The following SLITRK2 variants were observed in gnomAD, a reference collection of about 807,000 sequenced individuals.
SLITRK2 encodes SLIT and NTRK-like protein 2.
SLITRK2 carries 13 observed loss-of-function variants against 35.4 expected under a neutral mutation model. That is an observed-to-expected ratio of 0.37 (90% confidence interval 0.24 to 0.58). SLITRK2 has a LOEUF of 0.58. SLITRK2 is among the 20% of genes least tolerant of loss of function. The pLI, the probability that SLITRK2 is intolerant of heterozygous loss-of-function variation, is 0.75. For missense variants in SLITRK2, 471 were observed against 634.3 expected, an observed-to-expected ratio of 0.74 and a Z score of 2.76; for synonymous variants, 294 against 264.7, an observed-to-expected ratio of 1.11 and a Z score of -1.07.
In SLITRK2 at chrX:145,824,786, C is replaced by G. The variant is rs2124212675; in HGVS notation, c.2361C>G (p.Ser787=). The change falls in exon 5 of 5, where the codon TCC becomes TCG. Residue 787 remains serine, a synonymous_variant. Transcript: ENST00000335565. ...CTLPKRQFAP[S]YESRRQNQDR... is the part of the protein sequence containing the mutation. ...TACCTAAAAGGCAGTTTGCCCCTTC[C>G]TATGAATCTCGACGCCAAAACCAAG... 2 of 1,211,528 alleles carry G rather than the reference C, an allele frequency of 1.7e-6. No homozygotes were observed. Among genetic ancestry groups the G allele is most frequent in the Non-Finnish European group, 1.1e-6 (1 of 895,485 alleles).
rs2124116444 is a variant in SLITRK2 at position 145,818,042 on chromosome X, TC to T, written c.-793+17del. On this transcript the variant is annotated intron_variant, in intron 1 of 4. Coordinates refer to ENST00000335565, the MANE Select transcript of SLITRK2 (RefSeq NM_032539.5). ...CGCTCGCTCGGTAAGTTCTGAGCAC[TC>T]AGGGACGCGGTGGCGACGCGGCCAG... The T allele has an allele frequency of 9.0e-6, 1 of 111,113 alleles. No individual in the cohort carries two copies. The highest frequency in any genetic ancestry group is 9.4e-5 in the Admixed American group (1 of 10,643). The allele number at this position is 111,113 out of a possible 1,213,427, so 9.2% of individuals were successfully genotyped here.
At position 145,824,079 on chromosome X, in the gene SLITRK2, A is replaced by C. The variant is rs1556944636; in HGVS notation, c.1654A>C (p.Ile552Leu). Reference protein sequence around the residue: ...DWTEHANSPVIINEVTCESPA... With the variant: ...DWTEHANSPVLINEVTCESPA... ...GACAGAACATGCCAATTCCCCTGTCATCATTAATGAGGTGACTTGCGAATC... is the reference window on the plus strand; with the variant it reads ...GACAGAACATGCCAATTCCCCTGTCCTCATTAATGAGGTGACTTGCGAATC... The change falls in exon 5 of 5, where the codon ATC (isoleucine) becomes CTC (leucine). Residue 552 changes from isoleucine (I) to leucine (L), a missense_variant. Physicochemically the swap from Ile to Leu is conservative, Grantham distance 5 (BLOSUM62 2). This residue lies in a region of SLITRK2 where 92 missense variants were observed against 184.2 expected (regional missense o/e 0.50). Coordinates refer to ENST00000335565, the MANE Select transcript of SLITRK2 (RefSeq NM_032539.5). The C allele has an allele frequency of 8.3e-7, 1 of 1,209,173 alleles. No homozygotes were observed. Among genetic ancestry groups the C allele is most frequent in the Non-Finnish European group, 1.1e-6 (1 of 894,967 alleles).
At position 145,823,653 on chromosome X, in the gene SLITRK2, A is replaced by G. The variant is rs1556944443; in HGVS notation, c.1228A>G (p.Arg410Gly). 1 of 1,211,536 alleles carries G rather than the reference A, an allele frequency of 8.3e-7. No individual in the cohort carries two copies. The highest frequency in any genetic ancestry group is 1.1e-6 in the Non-Finnish European group (1 of 895,337). ...GGACTTACTGCACTTAGGAAACAAC[A>G]GGATTGCAGTCATTCAGGAAGGTGC... ...SLDLLHLGNN[R>G]IAVIQEGAFT... The change falls in exon 5 of 5, where the codon AGG (arginine) becomes GGG (glycine). Residue 410 changes from arginine (R) to glycine (G), a missense_variant. Arg to Gly is a moderately radical substitution (Grantham distance 125). This residue lies in a region of SLITRK2 where 92 missense variants were observed against 184.2 expected (regional missense o/e 0.50). Coordinates refer to ENST00000335565, the MANE Select transcript of SLITRK2 (RefSeq NM_032539.5).
Position 145,829,407 on chromosome X carries a change from C to A in SLITRK2, c.*4444C>A, listed in dbSNP as rs116637437. On this transcript the variant is annotated 3_prime_UTR_variant, in exon 5 of 5. Transcript: ENST00000335565. ...CTGTGTTTTGCCAAGGCTGCTTGTGCTACCAGTTTGCTGGTGGCTAACGGC... is the reference window on the plus strand; with the variant it reads ...CTGTGTTTTGCCAAGGCTGCTTGTGATACCAGTTTGCTGGTGGCTAACGGC... 4,301 of 123,374 alleles carry A rather than the reference C, an allele frequency of 0.035. 86 individuals are homozygous for A. Among genetic ancestry groups the A allele is most frequent in the Non-Finnish European group, 0.057 (3,024 of 53,277 alleles). 10.2% of individuals were successfully genotyped at this position (123,374 alleles called of 1,213,427 possible).
intron 1 of SLITRK2, chrX:145,819,974 C>T (rs1369801514): frequency 1.8e-5 from 2 of 111,880 alleles, no homozygotes; most frequent in East Asian, 2.8e-4. Context: ...AAACTACCCC[C>T]GCCCTTCCCG....
rs2748589 is a variant in SLITRK2, at chrX:145,823,427, T to C, written c.1002T>C (p.Ser334=). ...FGPIMVYQTK[S]PVPLTCPSSC... is the part of the protein sequence containing the mutation. ...CCATCATGGTGTACCAGACCAAGTCTCCTGTGCCTCTCACCTGTCCCAGCA... is the reference window on the plus strand; with the variant it reads ...CCATCATGGTGTACCAGACCAAGTCCCCTGTGCCTCTCACCTGTCCCAGCA... Residue 334 remains serine (S), a synonymous_variant, in exon 5 of 5, where the codon TCT becomes TCC. Transcript: ENST00000335565. 8.4e-3 allele frequency: 10,185 copies of C among 1,209,336 alleles called. 574 individuals are homozygous for C. The African/African-American group carries it at 0.16, about 18-fold the overall frequency.
Position 145,824,563 on chromosome X carries a change from G to C in SLITRK2, c.2138G>C (p.Arg713Pro), listed in dbSNP as rs192056413. The C allele has an allele frequency of 8.3e-7, 1 of 1,207,997 alleles. No individual in the cohort carries two copies. The highest frequency in any genetic ancestry group is 1.8e-5 in the African/African-American group (1 of 56,552). ...GAAGGAGACCCAGTAGCCTATTACC[G>C]AAACCTGCAAGAGTTCAGCTATAGC... ...QKEGDPVAYY[R>P]NLQEFSYSNL... Residue 713 changes from arginine (R) to proline (P), a missense_variant, in exon 5 of 5, where the codon CGA (arginine) becomes CCA (proline). Around this residue, in one of 7 missense-constraint regions of SLITRK2, gnomAD observed 190 missense variants for 199.3 expected, o/e 0.95. Coordinates refer to ENST00000335565, the MANE Select transcript of SLITRK2 (RefSeq NM_032539.5).
rs2124229067 is a variant in SLITRK2 at position 145,828,428 on chromosome X, C to T, written c.*3465C>T. The T allele has an allele frequency of 7.6e-6, 1 of 130,988 alleles. No homozygotes were observed. Among genetic ancestry groups the T allele is most frequent in the South Asian group, 3.5e-4 (1 of 2,838 alleles). The allele number at this position is 130,988 out of a possible 1,213,427, so 10.8% of individuals were successfully genotyped here. A position where few individuals can be genotyped will look rare whatever the true frequency, so the allele number is the denominator to read the frequency against. On this transcript the variant is annotated 3_prime_UTR_variant, in exon 5 of 5. Transcript: ENST00000335565. Reference sequence around the variant, plus strand: ...GGGTTGGATGCTAGAGTGAAGAAAGCCGTCCAGACAATTCTCCCAGTCCAT... The same window carrying T: ...GGGTTGGATGCTAGAGTGAAGAAAGTCGTCCAGACAATTCTCCCAGTCCAT...
Position 145,824,550 on chromosome X carries a change from G to C in SLITRK2, c.2125G>C (p.Val709Leu), listed in dbSNP as rs782215978. Residue 709 changes from valine (V) to leucine (L), a missense_variant, in exon 5 of 5, where the codon GTA (valine) becomes CTA (leucine). Transcript: ENST00000335565. ...CTACATGCAGAAGGAAGGAGACCCAGTAGCCTATTACCGAAACCTGCAAGA... is the reference window on the plus strand; with the variant it reads ...CTACATGCAGAAGGAAGGAGACCCACTAGCCTATTACCGAAACCTGCAAGA... The part of the protein sequence containing the change: ...PIYMQKEGDP[V>L]AYYRNLQEFS... 8.3e-7 allele frequency: 1 copy of C among 1,210,685 alleles called. No homozygotes were observed. Among genetic ancestry groups the C allele is most frequent in the Admixed American group, 2.2e-5 (1 of 45,860 alleles).
rs1408598729 is a variant in SLITRK2, at chrX:145,826,703, G to T, written c.*1740G>T. The T allele has an allele frequency of 8.9e-6, 1 of 112,121 alleles. No homozygotes were observed. The highest frequency in any genetic ancestry group is 3.2e-5 in the African/African-American group (1 of 30,901). The allele number at this position is 112,121 out of a possible 1,213,427, so 9.2% of individuals were successfully genotyped here. On this transcript the variant is annotated 3_prime_UTR_variant, in exon 5 of 5. Transcript: ENST00000335565. Reference sequence around the variant, plus strand: ...ATTCCTTATTAAAGCAAGCGATGGCGTCTGAAAGAAGCACACTGTTTCCTT... The same window carrying T: ...ATTCCTTATTAAAGCAAGCGATGGCTTCTGAAAGAAGCACACTGTTTCCTT...
At position 145,825,857 on chromosome X, in the gene SLITRK2, G is replaced by A. The variant is rs2073119160; in HGVS notation, c.*894G>A. The A allele has an allele frequency of 8.2e-6, 1 of 122,146 alleles. No individual in the cohort carries two copies. The highest frequency in any genetic ancestry group is 9.6e-5 in the Admixed American group (1 of 10,433). 10.1% of individuals were successfully genotyped at this position (122,146 alleles called of 1,213,427 possible). Reference sequence around the variant, plus strand: ...ATTTAACCCAATATCAGAGTGAATTGAGCAATTAATGCCCTTCCATAAATC... The same window carrying A: ...ATTTAACCCAATATCAGAGTGAATTAAGCAATTAATGCCCTTCCATAAATC... On this transcript the variant is annotated 3_prime_UTR_variant, in exon 5 of 5. Transcript: ENST00000335565.
Position 145,827,566 on chromosome X carries a change from A to G in SLITRK2, c.*2603A>G. The G allele has an allele frequency of 7.0e-6, 5 of 717,363 alleles. No homozygotes were observed. The highest frequency in any genetic ancestry group is 5.9e-6 in the Non-Finnish European group (3 of 512,144). The allele number at this position is 717,363 out of a possible 1,213,427, so 59.1% of individuals were successfully genotyped here. A position where few individuals can be genotyped will look rare whatever the true frequency, so the allele number is the denominator to read the frequency against. On this transcript the variant is annotated 3_prime_UTR_variant, in exon 5 of 5. Transcript: ENST00000335565. Reference sequence around the variant, plus strand: ...CACGATTTTAAAGACGCCTACTGAGAGAACTCAAATTTATAAACTCTGTTG... The same window carrying G: ...CACGATTTTAAAGACGCCTACTGAGGGAACTCAAATTTATAAACTCTGTTG...
Position 145,824,709 on chromosome X carries a change from C to A in SLITRK2, c.2284C>A (p.Arg762=), listed in dbSNP as rs1556945144. The change falls in exon 5 of 5, where the codon CGA becomes AGA. Residue 762 remains arginine (R), a synonymous_variant. Transcript: ENST00000335565. The stretch of plus-strand genomic sequence containing the variant: ...GCTGCTGTATCAAAATATTGCTGAG[C>A]GAGTCAAGGAACTTCCCAGCGCAGG... The part of the protein sequence containing the change: ...PELLYQNIAE[R]VKELPSAGLV... 1 of 1,211,414 alleles carries A rather than the reference C, an allele frequency of 8.3e-7. No homozygotes were observed. The highest frequency in any genetic ancestry group is 3.0e-5 in the East Asian group (1 of 33,832).
chrX:145,820,640 G>T (rs1227729817), intron 2 of SLITRK2, 104 bp downstream of exon 2: 2 of 111,350 alleles, frequency 1.8e-5, no homozygotes, highest in Non-Finnish European at 3.8e-5. Flanking sequence ...CCCTGCCCCT[G>T]CAGCCTGGAG....
At chrX:145,818,929 A>G (rs782512066) in intron 1 of SLITRK2, 2 of 112,209 alleles carry the variant, frequency 1.8e-5, no homozygotes, top group Non-Finnish European at 3.8e-5. Flanking sequence ...AAACTTACTT[A>G]AAGTGGTTAT....
Position 145,827,463 on chromosome X carries a change from T to C in SLITRK2, c.*2500T>C, listed in dbSNP as rs1187859718. 3.4e-6 allele frequency: 1 copy of C among 290,428 alleles called. No homozygotes were observed. The highest frequency in any genetic ancestry group is 6.1e-5 in the East Asian group (1 of 16,454). The allele number at this position is 290,428 out of a possible 1,213,427, so 23.9% of individuals were successfully genotyped here. A position where few individuals can be genotyped will look rare whatever the true frequency, so the allele number is the denominator to read the frequency against. On this transcript the variant is annotated 3_prime_UTR_variant, in exon 5 of 5. Coordinates refer to ENST00000335565, the MANE Select transcript of SLITRK2 (RefSeq NM_032539.5). ...TTTTCTGAAAGTAAAGATACTCCTG[T>C]AAAATGCCATTGTCCATAGAAAAAA... is the stretch of plus-strand genomic sequence containing the variant.
At chrX:145,821,121 T>TCACACACA (rs781940605) in intron 2 of SLITRK2, 637 of 43,777 alleles carry the variant, frequency 0.015, 9 homozygotes, top group African/African-American at 0.029. Context: ...TCTCTCTCTC[T>TCACACACA]CACTCACACA....
rs1556944261 is a variant in SLITRK2 at position 145,823,321 on chromosome X, C to T, written c.896C>T (p.Pro299Leu). ...CCTGCTCTCAACCCAACCAGGGCTC[C>T]GAAAGCCAGCCGGCCGCCCAAAATG... ...MNPALNPTRA[P>L]KASRPPKMRN... The change falls in exon 5 of 5, where the codon CCG becomes CTG. Residue 299 changes from proline (P) to leucine (L), a missense_variant. Around this residue, in one of 7 missense-constraint regions of SLITRK2, gnomAD observed 56 missense variants for 48.7 expected, o/e 1.15. Transcript: ENST00000335565. The T allele has an allele frequency of 7.4e-6, 9 of 1,209,229 alleles. No homozygotes were observed. Among genetic ancestry groups the T allele is most frequent in the Non-Finnish European group, 1.0e-5 (9 of 894,954 alleles).
At position 145,824,815 on chromosome X, in the gene SLITRK2, G is replaced by T; in HGVS notation, c.2390G>T (p.Arg797Ile). 8.3e-7 allele frequency: 1 copy of T among 1,211,566 alleles called. No individual in the cohort carries two copies. Among genetic ancestry groups the T allele is most frequent in the Non-Finnish European group, 1.1e-6 (1 of 895,555 alleles). The part of the protein sequence containing the change: ...SYESRRQNQD[R>I]INKTVLYGTP... ...GAATCTCGACGCCAAAACCAAGACA[G>T]AATCAATAAAACCGTTTTATATGGA... The change falls in exon 5 of 5, where the codon AGA becomes ATA. Residue 797 changes from arginine to isoleucine, a missense_variant. Around this residue, in one of 7 missense-constraint regions of SLITRK2, gnomAD observed 190 missense variants for 199.3 expected, o/e 0.95. Transcript: ENST00000335565.
Sources: gnomAD v4.1 joint callset for allele counts on GRCh38, gnomAD v4.1.1 for gene constraint, gnomAD v4.1.1 regional missense constraint, MANE v1.5 for transcripts, NCBI Gene and HGNC (gene_info 2026-07-23, HGNC 2026-07-21) for gene names.